The following NUP155 variants were observed in gnomAD, a reference collection of about 807,000 sequenced individuals.
NUP155 encodes nucleoporin 155.
In NUP155, 71 loss-of-function variants were observed where a neutral mutation model predicts 180.4. That is an observed-to-expected ratio of 0.39 (90% CI 0.33 to 0.48). The LOEUF is 0.48. Ranked by LOEUF, NUP155 falls within the 20% of genes least tolerant of loss-of-function variation. NUP155 has a pLI of 0.91. For missense variants in NUP155, 1,553 were observed against 1,648.9 expected (o/e 0.94, Z 1.01); for synonymous variants, 582 against 559.5 (o/e 1.04, Z -0.57).
intron 27 of NUP155, among the ~76,000 whole-genome samples, chr5:37,303,917 A>C (rs1314801030): frequency 6.6e-6 from 1 of 151,968 alleles, no homozygotes; most frequent in East Asian, 1.9e-4. Flanking sequence ...ACTGCACTTC[A>C]GCCTAAGCTA....
At chr5:37,336,143 C>T (rs756674650) in intron 12 of NUP155, among the ~76,000 whole-genome samples, 9 of 152,000 alleles carry the variant, frequency 5.9e-5, no homozygotes, top group Non-Finnish European at 8.8e-5. Flanking sequence ...TTGAGAAAAA[C>T]TCAAATATTA....
intron 19 of NUP155, among the ~76,000 whole-genome samples, chr5:37,324,626 T>C (rs1000612022): frequency 2.6e-5 from 4 of 152,096 alleles, no homozygotes; most frequent in Non-Finnish European, 5.9e-5. Flanking sequence ...GGATCATATC[T>C]TACTGCAGCC....
intron 22 of NUP155, among the ~76,000 whole-genome samples, chr5:37,312,344 A>T (rs1031750596): frequency 1.3e-5 from 2 of 151,534 alleles, no homozygotes; most frequent in Non-Finnish European, 2.9e-5. Flanking sequence ...CAGGAGATAG[A>T]GGAAGAAGCT....
intron 13 of NUP155, 71 bp from the exon 14 acceptor site, chr5:37,331,866 T>C: frequency 3.3e-6 from 3 of 910,124 alleles, no homozygotes; most frequent in Non-Finnish European, 5.4e-6. Flanking sequence ...GACTCTACCT[T>C]ATTTGATAAA....
intron 20 of NUP155, among the ~76,000 whole-genome samples, chr5:37,322,860 C>A (rs2150959700): frequency 6.6e-6 from 1 of 151,734 alleles, no homozygotes; most frequent in Non-Finnish European, 1.5e-5. Context: ...GTAACCCCAG[C>A]TACTCAGGAG....
intron 4 of NUP155, among the ~76,000 whole-genome samples, chr5:37,357,826 C>G (rs2111661507): frequency 6.6e-6 from 1 of 152,140 alleles, no homozygotes; most frequent in East Asian, 1.9e-4. Context: ...AGCCCCGTCT[C>G]TACTAAAAAT....
chr5:37,331,996 A>C (rs1454677266), intron 13 of NUP155, among the ~76,000 whole-genome samples: 2 of 152,130 alleles, frequency 1.3e-5, no homozygotes, highest in African/African-American at 2.4e-5. Context: ...GAGGTGATAT[A>C]AAAAGTACAA....
At chr5:37,304,284 C>G (rs1341372361) in intron 27 of NUP155, among the ~76,000 whole-genome samples, 1 of 137,744 alleles carries the variant, frequency 7.3e-6, no homozygotes, top group East Asian at 2.1e-4. Flanking sequence ...GGGAAATTTA[C>G]TATAAAATTA....
At chr5:37,366,925 C>T (rs1747624305) in intron 1 of NUP155, among the ~76,000 whole-genome samples, 1 of 152,166 alleles carries the variant, frequency 6.6e-6, no homozygotes. Flanking sequence ...GCTGGGATTA[C>T]AGGCGTGAGC....
At chr5:37,338,908 T>G (rs1745531676) in intron 11 of NUP155, among the ~76,000 whole-genome samples, 1 of 152,056 alleles carries the variant, frequency 6.6e-6, no homozygotes, top group Admixed American at 6.6e-5. Context: ...AATTATTAAT[T>G]TTATAAAAAT....
intron 12 of NUP155, 132 bp from the exon 13 acceptor site, chr5:37,333,765 TAATTTTCTA>T: frequency 1.4e-6 from 1 of 716,410 alleles, no homozygotes; most frequent in Non-Finnish European, 2.3e-6. Flanking sequence ...AAGTATTATG[TAATTTTCTA>T]CTATCTTTTT....
At chr5:37,304,078 T>C (rs59278603) in intron 27 of NUP155, among the ~76,000 whole-genome samples, 1 of 151,496 alleles carries the variant, frequency 6.6e-6, no homozygotes, top group Admixed American at 6.6e-5. Flanking sequence ...TAAAACCCCG[T>C]CTCTACTAAA....
Position 37,351,197 on chromosome 5 carries a change from G to T in NUP155, c.716C>A (p.Ala239Asp), listed in dbSNP as rs755116922. 3 of 1,613,650 alleles carry T rather than the reference G, an allele frequency of 1.9e-6. No homozygotes were observed. Among genetic ancestry groups the T allele is most frequent in the Admixed American group, 3.3e-5 (2 of 59,998 alleles). Residue 239 changes from alanine (A) to aspartate (D), a missense_variant, in exon 6 of 35, where the codon GCC becomes GAC. Physicochemically the swap from Ala to Asp is moderately radical, Grantham distance 126 (BLOSUM62 -2). Coordinates refer to ENST00000231498, the MANE Select transcript of NUP155 (RefSeq NM_153485.3). Reference sequence around the variant, plus strand: ...TACAAATGTCAGACTTACCTGGTAGGCTACTTCATATAAACAGCCATCCTT... The same window carrying T: ...TACAAATGTCAGACTTACCTGGTAGTCTACTTCATATAAACAGCCATCCTT... ...AGKDGCLYEV[A>D]YQAEAGWFSQ...
chr5:37,293,072 C>T, intron 33 of NUP155, 87 bp from the exon 34 acceptor site: 1 of 883,840 alleles, frequency 1.1e-6, no homozygotes, highest in South Asian at 1.4e-5. Flanking sequence ...ACATCAGGAT[C>T]CATGCAAAAC....
In NUP155 at chr5:37,302,817, C is replaced by T. The variant is rs758413180; in HGVS notation, c.3409G>A (p.Asp1137Asn). The T allele has an allele frequency of 7.4e-6, 12 of 1,613,818 alleles. No individual in the cohort carries two copies. The highest frequency in any genetic ancestry group is 1.6e-4 in the Middle Eastern group (1 of 6,084). The change falls in exon 29 of 35, where the codon GAT (aspartate) becomes AAT (asparagine). Residue 1137 changes from aspartate (D) to asparagine (N), a missense_variant. Asp to Asn is a conservative substitution (Grantham distance 23, BLOSUM62 1). Transcript: ENST00000231498. Reference protein sequence around the residue: ...SSTAISSIAADGEFLHELEEK... With the variant: ...SSTAISSIAANGEFLHELEEK... ...TCTAATTCATGAAGAAATTCACCAT[C>T]GGCAGCTATTGATGAAATGGCAGTG... is the stretch of plus-strand genomic sequence containing the variant.
Position 37,333,501 on chromosome 5 carries a change from T to A in NUP155, c.1480A>T (p.Met494Leu). The A allele has an allele frequency of 1.9e-6, 3 of 1,614,162 alleles. No homozygotes were observed. Among genetic ancestry groups the A allele is most frequent in the Non-Finnish European group, 2.5e-6 (3 of 1,179,990 alleles). ...TDSPVVVQQH[M>L]LPPKKFVLLS... The stretch of plus-strand genomic sequence containing the variant: ...AGAACAAATTTCTTCGGAGGTAACA[T>A]GTGCTGCTGTACAACAACTGGTGAA... Residue 494 changes from methionine to leucine, a missense_variant, in exon 13 of 35, where the codon ATG (methionine) becomes TTG (leucine). By Grantham distance (15) the Met-to-Leu change is conservative. Transcript: ENST00000231498.
chr5:37,330,677 A>T (rs767814752), intron 14 of NUP155, among the ~76,000 whole-genome samples: 3 of 152,006 alleles, frequency 2.0e-5, no homozygotes, highest in Non-Finnish European at 4.4e-5. Flanking sequence ...GCTCTGAAAT[A>T]CTAAGATCTC....
rs1030380706 is a variant in NUP155 at position 37,337,758 on chromosome 5, C to T, written c.1347+60G>A. The T allele has an allele frequency of 9.1e-6, 9 of 985,324 alleles. No homozygotes were observed. The African/African-American group carries it at 1.3e-4, about 14-fold the overall frequency. The allele number at this position is 985,324 out of a possible 1,614,324, so 61.0% of individuals were successfully genotyped here. On this transcript the variant is annotated intron_variant, in intron 12 of 34. Coordinates refer to ENST00000231498, the MANE Select transcript of NUP155 (RefSeq NM_153485.3). ...TACATCAGAAGATAAAAGTTTCTTC[C>T]ATATTATCCTTCACTTAAAATTATA... is the stretch of plus-strand genomic sequence containing the variant.
Position 37,331,671 on chromosome 5 carries a change from G to C in NUP155, c.1629+14C>G, listed in dbSNP as rs1184212524. ...TAAAATAGCATCACATTTTTTAAAAGTATATATAATTACCTGATGTAATTT... is the reference window on the plus strand; with the variant it reads ...TAAAATAGCATCACATTTTTTAAAACTATATATAATTACCTGATGTAATTT... On this transcript the variant is annotated intron_variant, in intron 14 of 34. Coordinates refer to ENST00000231498, the MANE Select transcript of NUP155 (RefSeq NM_153485.3). 1 of 1,440,012 alleles carries C rather than the reference G, an allele frequency of 6.9e-7. No homozygotes were observed. Among genetic ancestry groups the C allele is most frequent in the Non-Finnish European group, 9.7e-7 (1 of 1,029,008 alleles). The allele number at this position is 1,440,012 out of a possible 1,614,324, so 89.2% of individuals were successfully genotyped here. A position where few individuals can be genotyped will look rare whatever the true frequency, so the allele number is the denominator to read the frequency against.
Sources: allele counts gnomAD v4.1 joint callset (sites outside exome capture counted in the v4.1 genomes callset), GRCh38; gene constraint gnomAD v4.1.1; transcripts MANE v1.5; gene names NCBI Gene and HGNC (gene_info 2026-07-23, HGNC 2026-07-21).